PCDHA9: variants seen among roughly 807,000 people sequenced by gnomAD.
PCDHA9 encodes the protein protocadherin alpha-9.
A neutral mutation model predicts 62.0 loss-of-function variants in PCDHA9; 62 were observed. The observed-to-expected ratio is 1.00, with a 90% confidence interval of 0.81 to 1.23. The LOEUF (loss-of-function observed/expected upper bound fraction) is 1.23. Ranked by LOEUF, PCDHA9 falls within the 50% of genes most tolerant of loss-of-function variation. The probability of loss-of-function intolerance (pLI) is 0.00; values close to 1 mark genes in which losing one functional copy is unlikely to be tolerated. For synonymous variants in PCDHA9, 557 were observed against 567.6 expected (o/e 0.98, Z 0.27); for missense variants, 1,205 against 1,249.8 (o/e 0.96, Z 0.54).
intron 3 of PCDHA9, among the ~76,000 whole-genome samples, chr5:141,006,916 A>G (rs111263219): frequency 0.011 from 1,648 of 152,304 alleles, 31 homozygotes; most frequent in African/African-American, 0.038. Context: ...TGGGATGCCC[A>G]TGAGATTTCC....
intron 1 of PCDHA9, chr5:140,862,434 T>C: frequency 2.8e-6 from 1 of 354,954 alleles, no homozygotes; most frequent in South Asian, 2.1e-5. Flanking sequence ...AAACTATTCG[T>C]TGGTACTCCA....
intron 1 of PCDHA9, among the ~76,000 whole-genome samples, chr5:140,939,081 G>A (rs547616686): frequency 1.3e-5 from 2 of 152,222 alleles, no homozygotes; most frequent in African/African-American, 2.4e-5. Context: ...GCATAAACTG[G>A]GTGGCTTAAA....
intron 1 of PCDHA9, among the ~76,000 whole-genome samples, chr5:140,906,212 A>C (rs2072460025): frequency 6.6e-6 from 1 of 152,194 alleles, no homozygotes; most frequent in South Asian, 2.1e-4. Context: ...CTCAGTATTA[A>C]CCATCACAAG....
chr5:140,928,276 G>A (rs2153595075), intron 1 of PCDHA9: 2 of 1,614,172 alleles, frequency 1.2e-6, no homozygotes, highest in South Asian at 1.1e-5. Context: ...TGGCCCTGGG[G>A]CCTCTCTAGG....
At chr5:140,883,519 C>T (rs1554178517) in intron 1 of PCDHA9, 12 of 1,614,190 alleles carry the variant, frequency 7.4e-6, no homozygotes, top group Non-Finnish European at 1.0e-5. Flanking sequence ...ACCGCGAGAG[C>T]GTATCAGCCT....
intron 1 of PCDHA9, among the ~76,000 whole-genome samples, chr5:140,894,786 C>T (rs990092948): frequency 6.6e-6 from 1 of 151,576 alleles, no homozygotes; most frequent in Non-Finnish European, 1.5e-5. Flanking sequence ...AATTATTTGT[C>T]CTCTCCTTTA....
At chr5:140,959,259 C>G (rs781794121) in intron 1 of PCDHA9, among the ~76,000 whole-genome samples, 1 of 152,040 alleles carries the variant, frequency 6.6e-6, no homozygotes, top group African/African-American at 2.4e-5. Context: ...TGACTGTAGT[C>G]CCAGCTACCC....
At chr5:140,914,583 A>C (rs1583912822) in intron 1 of PCDHA9, among the ~76,000 whole-genome samples, 1 of 151,992 alleles carries the variant, frequency 6.6e-6, no homozygotes, top group East Asian at 1.9e-4. Flanking sequence ...CAATAATTTC[A>C]TTTAAGTAGG....
intron 1 of PCDHA9, chr5:140,869,471 T>C (rs1554163114): frequency 6.2e-7 from 1 of 1,613,696 alleles, no homozygotes; most frequent in South Asian, 1.1e-5. Flanking sequence ...AACGTGGAGG[T>C]GAAGGACATT....
At chr5:140,884,681 A>G (rs2060314464) in intron 1 of PCDHA9, 1 of 1,546,928 alleles carries the variant, frequency 6.5e-7, no homozygotes, top group Non-Finnish European at 8.7e-7. Flanking sequence ...ATATTTTAAA[A>G]AATTGTCTTA....
intron 1 of PCDHA9, among the ~76,000 whole-genome samples, chr5:140,934,476 AATTAT>A (rs2089852464): frequency 6.6e-6 from 1 of 152,124 alleles, no homozygotes. Flanking sequence ...TTATTTTGAA[AATTAT>A]ATTCACCTCA....
At chr5:140,863,350 A>G (rs781880705) in intron 1 of PCDHA9, 2 of 1,296,828 alleles carry the variant, frequency 1.5e-6, no homozygotes, top group Non-Finnish European at 2.1e-6. Flanking sequence ...GCTGTACACG[A>G]CGCTGCGGTG....
Position 141,011,309 on chromosome 5 carries a change from A to G in PCDHA9, c.*1372A>G, listed in dbSNP as rs374038361. On this transcript the variant is annotated 3_prime_UTR_variant, in exon 4 of 4. Coordinates refer to ENST00000532602, the MANE Select transcript of PCDHA9 (RefSeq NM_031857.2). ...CTTTTCTATAACACTCTGAATTGCTAATCTTACTAACACCTATGATGTTAC... is the reference window on the plus strand; with the variant it reads ...CTTTTCTATAACACTCTGAATTGCTGATCTTACTAACACCTATGATGTTAC... 9.8e-5 allele frequency: 15 copies of G among 153,742 alleles called. No homozygotes were observed. The highest frequency in any genetic ancestry group is 1.9e-4 in the Non-Finnish European group (13 of 68,036). 9.5% of individuals were successfully genotyped at this position (153,742 alleles called of 1,614,324 possible). A position where few individuals can be genotyped will look rare whatever the true frequency, so the allele number is the denominator to read the frequency against.
chr5:140,948,076 A>G (rs1554218436), intron 1 of PCDHA9, among the ~76,000 whole-genome samples: 1 of 151,508 alleles, frequency 6.6e-6, no homozygotes, highest in Non-Finnish European at 1.5e-5. Flanking sequence ...ATTTTCTTTT[A>G]ATCTATTGAT....
At chr5:140,985,690 C>G (rs752184454) in intron 3 of PCDHA9, among the ~76,000 whole-genome samples, 1 of 151,742 alleles carries the variant, frequency 6.6e-6, no homozygotes, top group Admixed American at 6.6e-5. Flanking sequence ...TACGCTAATC[C>G]TCGTTCATAT....
intron 1 of PCDHA9, chr5:140,862,920 G>A (rs2047655483): frequency 3.6e-6 from 2 of 548,666 alleles, no homozygotes; most frequent in African/African-American, 3.8e-5. Flanking sequence ...CGCCTTGGGT[G>A]GGCTGGCGGC....
At chr5:140,910,891 C>T (rs1273456408) in intron 1 of PCDHA9, among the ~76,000 whole-genome samples, 1 of 152,176 alleles carries the variant, frequency 6.6e-6, no homozygotes, top group Admixed American at 6.5e-5. Context: ...ATATCCATTC[C>T]TATGCCTGTC....
chr5:140,959,300 C>T (rs887685405), intron 1 of PCDHA9, among the ~76,000 whole-genome samples: 11 of 151,854 alleles, frequency 7.2e-5, no homozygotes, highest in African/African-American at 2.7e-4. Flanking sequence ...TCACTGAGCC[C>T]GGTGGTTGAA....
Position 141,007,689 on chromosome 5 carries a change from A to G in PCDHA9, c.2543-1938A>G, listed in dbSNP as rs545850175. Among the ~76,000 whole-genome samples the G allele has an allele frequency of 3.5e-4, 53 of 152,196 alleles. 1 individual carries two copies. Among genetic ancestry groups the G allele is most frequent in the African/African-American group, 1.3e-3 (52 of 41,536 alleles). On this transcript the variant is annotated intron_variant, in intron 3 of 3. Coordinates refer to ENST00000532602, the MANE Select transcript of PCDHA9 (RefSeq NM_031857.2). ...CAAAGACAAAAGTTATCCTACTTCC[A>G]CCTCCCTCCTCTGCCTCCCACCACC...
Sources: gnomAD v4.1 joint callset for allele counts (sites outside exome capture counted in the v4.1 genomes callset) on GRCh38, gnomAD v4.1.1 for gene constraint, MANE v1.5 for transcripts, NCBI Gene and HGNC (gene_info 2026-07-23, HGNC 2026-07-21) for gene names.